Variants in CDH2 observed in about 807,000 individuals in gnomAD.
CDH2 encodes cadherin-2.
Under a neutral mutation model 92.0 loss-of-function variants are expected in CDH2, and 17 were observed. That is an observed-to-expected ratio of 0.18 (90% CI 0.13 to 0.28). CDH2 has a LOEUF of 0.28. Ranked by LOEUF, CDH2 falls within the 10% of genes least tolerant of loss-of-function variation. CDH2 has a pLI of 1.00. For synonymous variants in CDH2, 419 were observed against 415.9 expected, an observed-to-expected ratio of 1.01 and a Z score of -0.09; for missense variants, 862 against 1,133.1, an observed-to-expected ratio of 0.76 and a Z score of 3.44.
intron 15 of CDH2, among the ~76,000 whole-genome samples, chr18:27,953,208 A>G (rs1010272952): frequency 2.0e-5 from 3 of 152,200 alleles, no homozygotes; most frequent in Non-Finnish European, 4.4e-5. Flanking sequence ...CTAAAATAAC[A>G]TGCGTTATCT....
chr18:28,030,345 T>TA (rs1030403313), intron 2 of CDH2, among the ~76,000 whole-genome samples: 103 of 151,902 alleles, frequency 6.8e-4, no homozygotes, highest in Non-Finnish European at 1.1e-3. Flanking sequence ...AGGACTTTTT[T>TA]AAAAAAATGT....
At chr18:27,938,519 G>C (rs1185344717) in intron 6 of CDH2, among the ~76,000 whole-genome samples, 1 of 152,102 alleles carries the variant, frequency 6.6e-6, no homozygotes, top group Admixed American at 6.5e-5. Context: ...AAAACAAAAT[G>C]AATCAACCTT....
intron 2 of CDH2, among the ~76,000 whole-genome samples, chr18:28,126,395 A>G (rs2051230739): frequency 6.6e-6 from 1 of 152,178 alleles, no homozygotes; most frequent in African/African-American, 2.4e-5. Flanking sequence ...AAAATACATC[A>G]TCTTCTATTT....
chr18:28,066,619 T>C (rs2014512773), intron 2 of CDH2, among the ~76,000 whole-genome samples: 2 of 152,082 alleles, frequency 1.3e-5, no homozygotes, highest in African/African-American at 2.4e-5. Context: ...TAGGTGCCAC[T>C]GAAAAGCTGC....
At chr18:27,935,661 T>A (rs1909000880) in intron 6 of CDH2, among the ~76,000 whole-genome samples, 1 of 151,310 alleles carries the variant, frequency 6.6e-6, no homozygotes, top group Non-Finnish European at 1.5e-5. Context: ...ACATGACTTA[T>A]CTCTACATTA....
chr18:28,057,594 G>C (rs2014316684), intron 2 of CDH2, among the ~76,000 whole-genome samples: 1 of 151,952 alleles, frequency 6.6e-6, no homozygotes, highest in African/African-American at 2.4e-5. Flanking sequence ...TTGAACCCGG[G>C]AGGCGGCAGT....
At chr18:28,151,665 C>T (rs746445248) in intron 1 of CDH2, among the ~76,000 whole-genome samples, 6 of 152,116 alleles carry the variant, frequency 3.9e-5, no homozygotes, top group Non-Finnish European at 8.8e-5. Context: ...CATCACTCTG[C>T]CAGGCCTAGG....
Position 28,103,427 on chromosome 18 carries a change from A to C in CDH2, c.172+44246T>G, listed in dbSNP as rs547421178. 1.4e-3 allele frequency among the ~76,000 whole-genome samples: 179 copies of C among 126,312 alleles called. 1 individual carries two copies. Among genetic ancestry groups the C allele is most frequent in the African/African-American group, 5.7e-3 (176 of 31,000 alleles). 82.9% of individuals were successfully genotyped at this position (126,312 alleles called of 152,430 possible). On this transcript the variant is annotated intron_variant, in intron 2 of 15. Transcript: ENST00000269141. ...AAGTATGTATATATATAAAGTATAC[A>C]TATATGAAGTATGTTTATATATATA...
intron 2 of CDH2, among the ~76,000 whole-genome samples, chr18:28,147,052 A>C (rs988932956): frequency 3.9e-5 from 6 of 152,132 alleles, no homozygotes. Context: ...AAGAGTTTCC[A>C]TATGATAACT....
intron 2 of CDH2, among the ~76,000 whole-genome samples, chr18:28,121,315 T>C (rs1014858697): frequency 1.3e-5 from 2 of 152,148 alleles, no homozygotes; most frequent in Admixed American, 1.3e-4. Flanking sequence ...TCAAAGGGCC[T>C]CAAAACTGCC....
chr18:28,056,523 A>G (rs2014296674), intron 2 of CDH2, among the ~76,000 whole-genome samples: 1 of 152,146 alleles, frequency 6.6e-6, no homozygotes, highest in Non-Finnish European at 1.5e-5. Flanking sequence ...TCTATTAAAA[A>G]TAAGACTTTT....
downstream of CDH2, among the ~76,000 whole-genome samples, chr18:27,949,975 A>G (rs1909373173): frequency 6.6e-6 from 1 of 152,030 alleles, no homozygotes; most frequent in African/African-American, 2.4e-5. Flanking sequence ...ATTAAGTGTT[A>G]TGATGTGTGA....
intron 2 of CDH2, among the ~76,000 whole-genome samples, chr18:28,066,683 T>C (rs1599074395): frequency 1.3e-5 from 2 of 152,174 alleles, no homozygotes; most frequent in East Asian, 1.9e-4. Context: ...TGAATCTGAA[T>C]TGTACAAAGG....
intron 2 of CDH2, among the ~76,000 whole-genome samples, chr18:28,075,137 G>C (rs149931172): frequency 6.6e-6 from 1 of 152,098 alleles, no homozygotes; most frequent in Non-Finnish European, 1.5e-5. Flanking sequence ...GAGTTCTACA[G>C]ATACAACATG....
intron 2 of CDH2, among the ~76,000 whole-genome samples, chr18:28,115,243 T>C (rs1051855930): frequency 6.6e-6 from 1 of 152,146 alleles, no homozygotes; most frequent in Non-Finnish European, 1.5e-5. Context: ...CTGACAAAGA[T>C]TCCTCTGCCC....
At chr18:28,124,136 GC>G (rs1234954892) in intron 2 of CDH2, among the ~76,000 whole-genome samples, 1 of 151,558 alleles carries the variant, frequency 6.6e-6, no homozygotes, top group East Asian at 1.9e-4. Context: ...TTTTTTTAAG[GC>G]TACACAGCAG....
chr18:27,954,769 T>C (rs976199172), intron 15 of CDH2: 4 of 152,240 alleles, frequency 2.6e-5, no homozygotes, highest in Non-Finnish European at 5.9e-5. Context: ...TATTTGTTGA[T>C]TATCTATTAA....
intron 9 of CDH2, among the ~76,000 whole-genome samples, chr18:27,992,317 C>G (rs2012441599): frequency 6.6e-6 from 1 of 152,112 alleles, no homozygotes; most frequent in Non-Finnish European, 1.5e-5. Flanking sequence ...TCAGGCCAGT[C>G]CTATCCTCAG....
At chr18:28,058,376 T>C (rs1455279682) in intron 2 of CDH2, among the ~76,000 whole-genome samples, 3 of 152,124 alleles carry the variant, frequency 2.0e-5, no homozygotes, top group Admixed American at 6.6e-5. Context: ...GGAGGGACCA[T>C]AGAGTTCTTC....
Sources: allele counts gnomAD v4.1 joint callset (sites outside exome capture counted in the v4.1 genomes callset), GRCh38; gene constraint gnomAD v4.1.1; transcripts MANE v1.5; gene names NCBI Gene and HGNC (gene_info 2026-07-23, HGNC 2026-07-21).